CA10: variants seen among roughly 807,000 people sequenced by gnomAD.
The protein encoded by CA10 is carbonic anhydrase 10 (inactive).
Under a neutral mutation model 44.2 loss-of-function variants are expected in CA10, and 14 were observed. The observed-to-expected ratio is 0.32, with a 90% CI of 0.21 to 0.50. The LOEUF is 0.50. Ranked by LOEUF, CA10 falls within the 20% of genes least tolerant of loss-of-function variation. CA10 has a pLI of 0.99. For missense variants in CA10, 350 were observed against 409.7 expected, an observed-to-expected ratio of 0.85 and a Z score of 1.26; for synonymous variants, 159 against 141.6, an observed-to-expected ratio of 1.12 and a Z score of -0.87.
rs1232872369 is a variant in CA10, at chr17:52,062,183, C to T, written c.136+10136G>A. 7.9e-5 allele frequency among the ~76,000 whole-genome samples: 12 copies of T among 151,524 alleles called. No individual in the cohort carries two copies. The East Asian group carries it at 2.3e-3, about 30-fold the overall frequency. On this transcript the variant is annotated intron_variant, in intron 2 of 8. Coordinates refer to ENST00000451037, the MANE Select transcript of CA10 (RefSeq NM_020178.5). Reference sequence around the variant, plus strand: ...CCCAGGTTCAAGTGATTCTTATGCCCCAGCCTCCCAAGTAGCTGGGATTAC... The same window carrying T: ...CCCAGGTTCAAGTGATTCTTATGCCTCAGCCTCCCAAGTAGCTGGGATTAC...
At chr17:51,767,601 C>T (rs551257066) in intron 3 of CA10, among the ~76,000 whole-genome samples, 33 of 152,050 alleles carry the variant, frequency 2.2e-4, no homozygotes, top group Non-Finnish European at 3.5e-4. Context: ...GGTGGGGGGA[C>T]AGCTTTGGGA....
intron 3 of CA10, among the ~76,000 whole-genome samples, chr17:51,841,189 C>T (rs980974150): frequency 6.6e-6 from 1 of 152,198 alleles, no homozygotes; most frequent in African/African-American, 2.4e-5. Flanking sequence ...AGACCTCACC[C>T]TCCCACACCA....
chr17:51,743,226 G>A (rs566790913), intron 4 of CA10, among the ~76,000 whole-genome samples: 103 of 152,270 alleles, frequency 6.8e-4, no homozygotes, highest in African/African-American at 2.1e-3. Context: ...TCCCAAATCA[G>A]GAAGATTCTT....
At chr17:51,633,682 C>A (rs745608037) in intron 7 of CA10, 32 bp from the exon 8 acceptor site, 2 of 1,606,536 alleles carry the variant, frequency 1.2e-6, no homozygotes, top group South Asian at 1.1e-5. Context: ...TGAGATCCAA[C>A]CATCCTCTTA....
At chr17:52,107,783 C>T (rs1441595386) in intron 1 of CA10, among the ~76,000 whole-genome samples, 1 of 152,110 alleles carries the variant, frequency 6.6e-6, no homozygotes, top group Non-Finnish European at 1.5e-5. Flanking sequence ...GTGGATTACC[C>T]AGTCCCTAGA....
rs531792264 is a variant in CA10, at chr17:51,980,464, T to A, written c.137-49332A>T. On this transcript the variant is annotated intron_variant, in intron 2 of 8. Transcript: ENST00000451037. Reference sequence around the variant, plus strand: ...ACAGTTTGCAAATATTTTCCTCCATTCTGTAGGTTGTCTATTTACTGAGAG... The same window carrying A: ...ACAGTTTGCAAATATTTTCCTCCATACTGTAGGTTGTCTATTTACTGAGAG... 2.8e-4 allele frequency among the ~76,000 whole-genome samples: 43 copies of A among 152,244 alleles called. 1 individual carries two copies. The highest frequency in any genetic ancestry group is 6.2e-4 in the South Asian group (3 of 4,826).
At chr17:51,969,378 G>T (rs1291538441) in intron 2 of CA10, among the ~76,000 whole-genome samples, 3 of 152,054 alleles carry the variant, frequency 2.0e-5, no homozygotes, top group Admixed American at 6.6e-5. Context: ...CACGTATCTG[G>T]TAAGTGGACA....
At chr17:51,667,729 G>A (rs965135558) in intron 4 of CA10, among the ~76,000 whole-genome samples, 1 of 152,078 alleles carries the variant, frequency 6.6e-6, no homozygotes, top group African/African-American at 2.4e-5. Context: ...GGTGAGTTGG[G>A]GGTGACAGTG....
intron 3 of CA10, among the ~76,000 whole-genome samples, chr17:51,914,008 T>G (rs552540660): frequency 6.6e-6 from 1 of 152,084 alleles, no homozygotes; most frequent in Non-Finnish European, 1.5e-5. Flanking sequence ...GCACATCATA[T>G]GAAATGACTT....
At chr17:51,819,713 G>A (rs1317011383) in intron 3 of CA10, among the ~76,000 whole-genome samples, 1 of 152,186 alleles carries the variant, frequency 6.6e-6, no homozygotes, top group Non-Finnish European at 1.5e-5. Flanking sequence ...AGGAAGTAGT[G>A]CAGGTGGGAT....
chr17:52,036,789 C>T (rs1986631013), intron 2 of CA10, among the ~76,000 whole-genome samples: 1 of 152,122 alleles, frequency 6.6e-6, no homozygotes, highest in South Asian at 2.1e-4. Context: ...TGGCCTAGTG[C>T]CTGAAACACA....
At chr17:51,891,404 G>T (rs1202756518) in intron 3 of CA10, among the ~76,000 whole-genome samples, 1 of 152,196 alleles carries the variant, frequency 6.6e-6, no homozygotes, top group Non-Finnish European at 1.5e-5. Flanking sequence ...TGTTGAATGG[G>T]GAAGTCAGAC....
chr17:51,784,068 C>T (rs1170025085), intron 3 of CA10, among the ~76,000 whole-genome samples: 3 of 152,076 alleles, frequency 2.0e-5, no homozygotes, highest in African/African-American at 7.2e-5. Context: ...GGTACCTGAC[C>T]CCCCTTCTCT....
At chr17:51,715,076 T>A (rs988128099) in intron 4 of CA10, among the ~76,000 whole-genome samples, 8 of 152,260 alleles carry the variant, frequency 5.3e-5, no homozygotes, top group Middle Eastern at 3.4e-3. Context: ...GGGACACGGA[T>A]GAAACTGGAA....
At chr17:51,828,203 G>T (rs1908101705) in intron 3 of CA10, among the ~76,000 whole-genome samples, 1 of 152,142 alleles carries the variant, frequency 6.6e-6, no homozygotes, top group South Asian at 2.1e-4. Context: ...GTCTAAGGGG[G>T]TGGCCTATGG....
intron 4 of CA10, among the ~76,000 whole-genome samples, chr17:51,666,409 G>A (rs1203538117): frequency 6.6e-6 from 1 of 152,212 alleles, no homozygotes; most frequent in Non-Finnish European, 1.5e-5. Context: ...TGAAGATGGA[G>A]AAGGGGGTTG....
intron 2 of CA10, among the ~76,000 whole-genome samples, chr17:51,933,993 C>T (rs1042621694): frequency 3.9e-5 from 6 of 152,174 alleles, no homozygotes; most frequent in Admixed American, 1.3e-4. Flanking sequence ...CGAACAGTTT[C>T]GGGGTTTTAT....
intron 3 of CA10, among the ~76,000 whole-genome samples, chr17:51,801,294 G>A (rs1023887651): frequency 1.3e-5 from 2 of 152,124 alleles, no homozygotes; most frequent in Non-Finnish European, 2.9e-5. Flanking sequence ...ATGCATGAAA[G>A]GTCCACCCAT....
chr17:51,753,830 A>T (rs1322172255), intron 3 of CA10, among the ~76,000 whole-genome samples: 3 of 152,046 alleles, frequency 2.0e-5, no homozygotes, highest in Non-Finnish European at 4.4e-5. Context: ...ACTGGAAATT[A>T]TTAGGTTGTG....
Sources: gnomAD v4.1 joint callset for allele counts (sites outside exome capture counted in the v4.1 genomes callset) on GRCh38, gnomAD v4.1.1 for gene constraint, MANE v1.5 for transcripts, NCBI Gene and HGNC (gene_info 2026-07-23, HGNC 2026-07-21) for gene names.